COG5: variants seen among roughly 807,000 people sequenced by gnomAD.
COG5 encodes conserved oligomeric Golgi complex subunit 5.
In COG5, 86 loss-of-function variants were observed where a neutral mutation model predicts 110.4. The observed-to-expected ratio is 0.78, with a 90% confidence interval of 0.65 to 0.93. COG5 has a LOEUF of 0.93. Ranked by LOEUF, COG5 falls within the 40% of genes least tolerant of loss-of-function variation. COG5 has a pLI of 0.00. For missense variants in COG5, 1,077 were observed against 987.0 expected (o/e 1.09, Z -1.22); for synonymous variants, 360 against 334.6 (o/e 1.08, Z -0.83).
intron 7 of COG5, 43 bp from the exon 8 acceptor site, chr7:107,372,803 AAAAC>A: frequency 1.3e-6 from 2 of 1,587,106 alleles, no homozygotes; most frequent in Non-Finnish European, 1.7e-6. Context: ...TATAAATAGG[AAAAC>A]AAACAAAATC....
At chr7:107,210,030 C>T (rs1225190742) in intron 21 of COG5, 4 of 1,012,926 alleles carry the variant, frequency 3.9e-6, no homozygotes, top group Non-Finnish European at 4.7e-6. Context: ...AGAGCACATG[C>T]GTATGTATGT....
intron 6 of COG5, among the ~76,000 whole-genome samples, chr7:107,415,882 G>GTATGTATGTGTGTATA (rs1792756563): frequency 1.6e-5 from 1 of 63,922 alleles, no homozygotes; most frequent in African/African-American, 1.2e-4. Context: ...GTATGTGTGT[G>GTATGTATGTGTGTATA]TATATACACA....
intron 2 of COG5, among the ~76,000 whole-genome samples, chr7:107,555,517 C>A (rs1455636183): frequency 6.6e-6 from 1 of 152,114 alleles, no homozygotes; most frequent in Non-Finnish European, 1.5e-5. Flanking sequence ...CGTAAGGTTG[C>A]CAGAAGATGT....
intron 10 of COG5, among the ~76,000 whole-genome samples, chr7:107,353,424 CAA>C (rs1169669994): frequency 0.19 from 16,102 of 83,372 alleles, 429 homozygotes; most frequent in South Asian, 0.25. Context: ...GACTCCGTCT[CAA>C]AAAAAAAAAA....
At chr7:107,541,472 G>C (rs1190296718) in intron 5 of COG5, among the ~76,000 whole-genome samples, 4 of 116,072 alleles carry the variant, frequency 3.4e-5, no homozygotes, top group Non-Finnish European at 6.5e-5. Flanking sequence ...ACTCCAGCCT[G>C]GGCAACAGAG....
chr7:107,254,756 C>A (rs1002454069), intron 16 of COG5, among the ~76,000 whole-genome samples: 9 of 152,128 alleles, frequency 5.9e-5, no homozygotes, highest in Non-Finnish European at 7.4e-5. Context: ...TACTGAAATA[C>A]AGTCTATGAG....
intron 5 of COG5, among the ~76,000 whole-genome samples, chr7:107,528,402 A>G (rs1800933503): frequency 6.6e-6 from 1 of 152,176 alleles, no homozygotes; most frequent in Non-Finnish European, 1.5e-5. Context: ...TTTAATCACT[A>G]ATAAATTATA....
intron 8 of COG5, 47 bp from the exon 9 acceptor site, chr7:107,362,467 G>T: frequency 8.8e-7 from 1 of 1,137,676 alleles, no homozygotes; most frequent in Non-Finnish European, 1.3e-6. Context: ...TTTTCCAAAG[G>T]CAAATATATA....
chr7:107,499,940 A>G (rs750349518), intron 6 of COG5, among the ~76,000 whole-genome samples: 1 of 152,140 alleles, frequency 6.6e-6, no homozygotes, highest in Non-Finnish European at 1.5e-5. Flanking sequence ...TCGCATGTCC[A>G]CGTTTAAACC....
At chr7:107,433,017 T>C (rs569077728) in intron 6 of COG5, among the ~76,000 whole-genome samples, 2 of 152,110 alleles carry the variant, frequency 1.3e-5, no homozygotes, top group East Asian at 3.9e-4. Context: ...CAACAATCAG[T>C]TGCATTTCAG....
rs534493007 is a variant in COG5 at position 107,361,970 on chromosome 7, T to A, written c.1026+63A>T. 2.7e-6 allele frequency: 3 copies of A among 1,099,790 alleles called. No homozygotes were observed. The East Asian group carries it at 7.6e-5, about 28-fold the overall frequency. 68.1% of individuals were successfully genotyped at this position (1,099,790 alleles called of 1,614,324 possible). ...TATAAGGTAGTAGTAACACAAATGA[T>A]GCTGACTCATATATTCCTGTTTTGT... On this transcript the variant is annotated intron_variant, in intron 10 of 21. Coordinates refer to ENST00000297135, the MANE Select transcript of COG5 (RefSeq NM_006348.5).
chr7:107,215,899 T>C (rs1034580802), intron 19 of COG5, among the ~76,000 whole-genome samples: 10 of 151,782 alleles, frequency 6.6e-5, no homozygotes, highest in Non-Finnish European at 1.0e-4. Flanking sequence ...TTAGTAGAGA[T>C]GGGGTTTCAC....
chr7:107,372,851 C>T (rs1427310305), intron 7 of COG5, 91 bp from the exon 8 acceptor site: 1 of 1,198,532 alleles, frequency 8.3e-7, no homozygotes, highest in Non-Finnish European at 1.2e-6. Flanking sequence ...AGGACTTCAG[C>T]AGTCCTATCA....
chr7:107,481,550 TA>T (rs1181250489), intron 6 of COG5, among the ~76,000 whole-genome samples: 3 of 152,114 alleles, frequency 2.0e-5, no homozygotes, highest in Non-Finnish European at 2.9e-5. Context: ...TCATATACTA[TA>T]AACTGAGTAC....
intron 14 of COG5, among the ~76,000 whole-genome samples, chr7:107,272,439 C>T (rs181375133): frequency 2.6e-5 from 4 of 152,224 alleles, no homozygotes; most frequent in African/African-American, 9.6e-5. Context: ...TCAAACTGTG[C>T]TCTGACCACC....
At chr7:107,380,797 T>C (rs1815053084) in intron 7 of COG5, among the ~76,000 whole-genome samples, 1 of 152,122 alleles carries the variant, frequency 6.6e-6, no homozygotes. Flanking sequence ...GATTCCTCCC[T>C]AACTCATTTT....
chr7:107,455,936 G>A (rs1240905435), intron 6 of COG5, among the ~76,000 whole-genome samples: 1 of 151,920 alleles, frequency 6.6e-6, no homozygotes, highest in African/African-American at 2.4e-5. Context: ...TGGGACTACA[G>A]ACACGCACCA....
At chr7:107,500,046 A>G (rs918258168) in intron 6 of COG5, among the ~76,000 whole-genome samples, 1 of 152,130 alleles carries the variant, frequency 6.6e-6, no homozygotes, top group Non-Finnish European at 1.5e-5. Context: ...ATTATTAGGA[A>G]GAAGAGCACT....
At chr7:107,249,690 T>TTGTGTGTG (rs57572752) in intron 16 of COG5, among the ~76,000 whole-genome samples, 63 of 131,758 alleles carry the variant, frequency 4.8e-4, no homozygotes, top group South Asian at 1.1e-3. Context: ...ACGTACAGGA[T>TTGTGTGTG]TGTGTGTGTG....
Sources: allele counts gnomAD v4.1 joint callset (sites outside exome capture counted in the v4.1 genomes callset), GRCh38; gene constraint gnomAD v4.1.1; transcripts MANE v1.5; gene names NCBI Gene and HGNC (gene_info 2026-07-23, HGNC 2026-07-21).